GPSM1: variants seen among roughly 807,000 people sequenced by gnomAD.
GPSM1 encodes the protein G protein signaling modulator 1.
In GPSM1, 48 loss-of-function variants were observed where a neutral mutation model predicts 70.5. The observed-to-expected ratio is 0.68, with a 90% confidence interval of 0.54 to 0.87. The LOEUF is 0.87. GPSM1 is among the 40% of genes least tolerant of loss of function. The pLI is 0.00. For synonymous variants in GPSM1, 416 were observed against 430.1 expected, an observed-to-expected ratio of 0.97 and a Z score of 0.41; for missense variants, 981 against 972.6, an observed-to-expected ratio of 1.01 and a Z score of -0.11.
intron 9 of GPSM1, 24 bp from the exon 10 acceptor site, chr9:136,348,673 C>G (rs782686329): frequency 1.3e-6 from 2 of 1,592,862 alleles, no homozygotes; most frequent in Non-Finnish European, 1.7e-6. Context: ...TGGTGCTGGG[C>G]TGACCGGGTC....
rs145335331 is a variant in GPSM1 at position 136,329,199 on chromosome 9, C to T, written c.68+1436C>T. 1.3e-4 allele frequency among the ~76,000 whole-genome samples: 20 copies of T among 152,290 alleles called. No individual in the cohort carries two copies. In the East Asian group the frequency reaches 3.9e-3, roughly 29 times the overall value. On this transcript the variant is annotated intron_variant, in intron 1 of 13. Coordinates refer to ENST00000440944, the MANE Select transcript of GPSM1 (RefSeq NM_001145638.3). ...GAGACCCCAGACCCAGCCTTGCATCCCCCTAAGCAGGGAGTCCAGTTGAGC... is the reference window on the plus strand; with the variant it reads ...GAGACCCCAGACCCAGCCTTGCATCTCCCTAAGCAGGGAGTCCAGTTGAGC...
At chr9:136,356,250 G>A (rs911878129) in intron 12 of GPSM1, 92 bp from the exon 13 acceptor site, 21 of 986,362 alleles carry the variant, frequency 2.1e-5, no homozygotes, top group East Asian at 2.7e-5. Flanking sequence ...GGCTGGGCTG[G>A]GCTCAGAGGT....
At chr9:136,327,811 G>A (rs1265455704) in intron 1 of GPSM1, 48 bp downstream of exon 1, 7 of 760,758 alleles carry the variant, frequency 9.2e-6, no homozygotes, top group African/African-American at 3.6e-5. Context: ...GGACCGGACC[G>A]GGCCGGGTCG....
chr9:136,341,689 C>G lies in GPSM1; in HGVS notation c.1207+696C>G. The G allele has an allele frequency of 6.0e-6, 6 of 992,362 alleles. No individual in the cohort carries two copies. The highest frequency in any genetic ancestry group is 7.2e-6 in the Non-Finnish European group (6 of 833,672). The allele number at this position is 992,362 out of a possible 1,614,324, so 61.5% of individuals were successfully genotyped here. ...CAAAGGTCTTGAGTTTGCCAGCCCC[C>G]GAGAAGGGATGCCTGCCTCCCAGAA... On this transcript the variant is annotated intron_variant, in intron 9 of 13. Coordinates refer to ENST00000440944, the MANE Select transcript of GPSM1 (RefSeq NM_001145638.3). The surrounding 1 kb of genome is among the most constrained non-coding windows in gnomAD (Gnocchi z 6.7).
chr9:136,347,653 T>C (rs1832555546), intron 9 of GPSM1, among the ~76,000 whole-genome samples: 1 of 152,166 alleles, frequency 6.6e-6, no homozygotes, highest in African/African-American at 2.4e-5. Context: ...ACCCTGGCTC[T>C]CAGCCACAGC....
chr9:136,337,973 C>G lies in GPSM1; in HGVS notation c.818+12C>G, dbSNP rs782547756. On this transcript the variant is annotated intron_variant, in intron 6 of 13. Coordinates refer to ENST00000440944, the MANE Select transcript of GPSM1 (RefSeq NM_001145638.3). ...GCCGAGTACTACAAGTAGGTGGTCC[C>G]CACAATCTCCCAGGGAGACAGCAGG... The G allele has an allele frequency of 2.6e-6, 4 of 1,541,634 alleles. No homozygotes were observed. Among genetic ancestry groups the G allele is most frequent in the Non-Finnish European group, 3.6e-6 (4 of 1,119,474 alleles).
At chr9:136,332,352 C>T (rs74715865) in intron 1 of GPSM1, among the ~76,000 whole-genome samples, 1 of 152,226 alleles carries the variant, frequency 6.6e-6, no homozygotes, top group South Asian at 2.1e-4. Context: ...CCATCCCCGA[C>T]TTTTAGGCCC....
At chr9:136,349,418 C>G (rs1033093350) in intron 10 of GPSM1, among the ~76,000 whole-genome samples, 169 bp from the exon 11 acceptor site, 1 of 152,240 alleles carries the variant, frequency 6.6e-6, no homozygotes, top group Admixed American at 6.5e-5. Flanking sequence ...CTGCCTCTCC[C>G]GGCCCCAGCC....
At chr9:136,337,797 G>C (rs782132971) in intron 5 of GPSM1, 49 bp from the exon 6 acceptor site, 10 of 1,432,288 alleles carry the variant, frequency 7.0e-6, no homozygotes, top group Non-Finnish European at 9.8e-6. Context: ...GCCCACGTCA[G>C]GCCCCGGGGC....
intron 1 of GPSM1, among the ~76,000 whole-genome samples, chr9:136,328,353 T>TCCCC (rs1832026958): frequency 6.6e-6 from 1 of 151,830 alleles, no homozygotes; most frequent in African/African-American, 2.4e-5. Context: ...ACTCCCAATG[T>TCCCC]CCCCCCAGGG....
At chr9:136,334,875 GGGTGAGTGGGGGTGGCCCTGCTGGCA>G (rs1177821154) in intron 2 of GPSM1, among the ~76,000 whole-genome samples, 3 of 151,898 alleles carry the variant, frequency 2.0e-5, no homozygotes, top group African/African-American at 4.8e-5. Flanking sequence ...CCCTGCTGGC[GGGTGAGTGGGGGTGGCCCTGCTGGCA>G]GGTGGACGCT....
chr9:136,334,407 T>C lies in GPSM1; in HGVS notation c.69-40T>C, dbSNP rs782371605. On this transcript the variant is annotated intron_variant, in intron 1 of 13. Coordinates refer to ENST00000440944, the MANE Select transcript of GPSM1 (RefSeq NM_001145638.3). ...GAGGTGCTCCGGCCCCGGGGCGACT[T>C]TGCCAGGGCTGGGCCATGACGCCAA... 4 of 1,543,932 alleles carry C rather than the reference T, an allele frequency of 2.6e-6. No homozygotes were observed. The Admixed American group carries it at 6.8e-5, about 26-fold the overall frequency.
chr9:136,346,952 C>T (rs1407111874), intron 9 of GPSM1, among the ~76,000 whole-genome samples: 1 of 152,184 alleles, frequency 6.6e-6, no homozygotes, highest in African/African-American at 2.4e-5. Flanking sequence ...GGTCCGGGTG[C>T]ACCTGAGGCC....
At chr9:136,331,497 A>G (rs1554768483) in intron 1 of GPSM1, among the ~76,000 whole-genome samples, 1 of 152,008 alleles carries the variant, frequency 6.6e-6, no homozygotes, top group Admixed American at 6.5e-5. Context: ...AGGGGCCACC[A>G]CTGCGCAGAA....
Position 136,353,733 on chromosome 9 carries a change from C to G in GPSM1, c.1456-1957C>G, listed in dbSNP as rs1456714555. On this transcript the variant is annotated intron_variant, in intron 11 of 13. Transcript: ENST00000440944. Reference sequence around the variant, plus strand: ...CTCAGTCCACCTGGGCCCCGGGTCACCTGGGGGAGTCCAGATTGGGCCAGA... The same window carrying G: ...CTCAGTCCACCTGGGCCCCGGGTCAGCTGGGGGAGTCCAGATTGGGCCAGA... 2.0e-5 allele frequency among the ~76,000 whole-genome samples: 3 copies of G among 152,216 alleles called. No individual in the cohort carries two copies. The East Asian group carries it at 5.8e-4, about 29-fold the overall frequency.
chr9:136,347,543 C>T (rs1417623511), intron 9 of GPSM1, among the ~76,000 whole-genome samples: 1 of 152,140 alleles, frequency 6.6e-6, no homozygotes, highest in African/African-American at 2.4e-5. Flanking sequence ...GTGTCAGCCT[C>T]GTTCCGCCGT....
At chr9:136,332,272 T>G (rs1832119018) in intron 1 of GPSM1, 1 of 397,886 alleles carries the variant, frequency 2.5e-6, no homozygotes, top group African/African-American at 2.1e-5. Flanking sequence ...CTGGTGCAGC[T>G]GCAGGTGGCT....
chr9:136,356,160 ACAG>A (rs2131417427), intron 12 of GPSM1, among the ~76,000 whole-genome samples, 179 bp from the exon 13 acceptor site: 1 of 152,082 alleles, frequency 6.6e-6, no homozygotes, highest in South Asian at 2.1e-4. Context: ...CGTGGGAGCC[ACAG>A]CAGGGGGAGC....
In GPSM1 at chr9:136,343,575, G is replaced by T. The variant is rs1832446316; in HGVS notation, c.1207+2582G>T. On this transcript the variant is annotated intron_variant, in intron 9 of 13. Transcript: ENST00000440944. The surrounding 1 kb of genome is among the most constrained non-coding windows in gnomAD (Gnocchi z 6.0). ...AGTCCCCTGAACGTCCCAACGAGTG[G>T]CCTTGGGGTCAGGGATGTGCATGGC... Among the ~76,000 whole-genome samples, 2 of 152,208 alleles carry T rather than the reference G, an allele frequency of 1.3e-5. No homozygotes were observed. The highest frequency in any genetic ancestry group is 2.9e-5 in the Non-Finnish European group (2 of 68,042).
Sources: allele counts gnomAD v4.1 joint callset (sites outside exome capture counted in the v4.1 genomes callset), GRCh38; gene constraint gnomAD v4.1.1; non-coding constraint Gnocchi (gnomAD v3.1); transcripts MANE v1.5; gene names NCBI Gene and HGNC (gene_info 2026-07-23, HGNC 2026-07-21).